The following DAGLB variants were observed in gnomAD, a reference collection of about 807,000 sequenced individuals.
DAGLB encodes diacylglycerol lipase beta.
Under a neutral mutation model 72.1 loss-of-function variants are expected in DAGLB, and 66 were observed. The ratio of observed to expected loss-of-function variants is 0.92; its 90% CI spans 0.75 to 1.12. DAGLB has a LOEUF of 1.12. Ranked by LOEUF, DAGLB falls within the 50% of genes most tolerant of loss-of-function variation. The pLI is 0.00. For synonymous variants in DAGLB, 414 were observed against 359.5 expected (o/e 1.15, Z -1.71); for missense variants, 1,065 against 884.9 (o/e 1.20, Z -2.58).
chr7:6,424,053 A>G (rs1206122706), intron 8 of DAGLB, among the ~76,000 whole-genome samples: 3 of 148,998 alleles, frequency 2.0e-5, no homozygotes, highest in Non-Finnish European at 4.5e-5. Context: ...CCCCAGAGCC[A>G]GTCAGGAGCA....
intron 13 of DAGLB, among the ~76,000 whole-genome samples, chr7:6,411,078 G>A (rs1361010836): frequency 6.6e-6 from 1 of 151,956 alleles, no homozygotes; most frequent in African/African-American, 2.4e-5. Context: ...TAGAGACGGG[G>A]TTTCACCGTG....
chr7:6,411,016 C>G (rs1273676530), intron 13 of DAGLB, among the ~76,000 whole-genome samples: 2 of 151,744 alleles, frequency 1.3e-5, no homozygotes, highest in South Asian at 2.1e-4. Context: ...ACCAGAGTAG[C>G]TGGGACTACA....
At position 6,436,503 on chromosome 7, in the gene DAGLB, G is replaced by A; in HGVS notation, c.278C>T (p.Ser93Phe). Residue 93 changes from serine (S) to phenylalanine (F), a missense_variant, in exon 3 of 15, where the codon TCT (serine) becomes TTT (phenylalanine). Coordinates refer to ENST00000297056, the MANE Select transcript of DAGLB (RefSeq NM_139179.4). The part of the protein sequence containing the change: ...GTICNPGPRK[S>F]MSKLLYIRLA... ...GCGGATGTAAAGCAGCTTAGACATA[G>A]ACTTCCGCGGTCCAGGGTTACAAAT... 6.2e-7 allele frequency: 1 copy of A among 1,614,144 alleles called. No individual in the cohort carries two copies. The highest frequency in any genetic ancestry group is 8.5e-7 in the Non-Finnish European group (1 of 1,180,040).
intron 2 of DAGLB, among the ~76,000 whole-genome samples, chr7:6,439,450 C>T (rs1252352040): frequency 6.6e-6 from 1 of 152,100 alleles, no homozygotes; most frequent in Non-Finnish European, 1.5e-5. Flanking sequence ...TATCATCCAT[C>T]ATCAGACACA....
At chr7:6,426,497 T>C (rs902732084) in intron 6 of DAGLB, among the ~76,000 whole-genome samples, 3 of 152,202 alleles carry the variant, frequency 2.0e-5, no homozygotes, top group African/African-American at 7.2e-5. Context: ...TTTAAACTCC[T>C]GACCTCAGGC....
At chr7:6,426,722 G>C (rs1442696053) in intron 6 of DAGLB, among the ~76,000 whole-genome samples, 1 of 152,212 alleles carries the variant, frequency 6.6e-6, no homozygotes, top group East Asian at 1.9e-4. Context: ...AGCAGGTAAA[G>C]CAAACCTGTC....
chr7:6,435,288 C>T, intron 3 of DAGLB: 1 of 393,556 alleles, frequency 2.5e-6, no homozygotes, highest in Non-Finnish European at 4.8e-6. Flanking sequence ...GAGATCGAGA[C>T]CAGCCTGGCC....
intron 4 of DAGLB, among the ~76,000 whole-genome samples, chr7:6,433,851 C>CAA (rs35042230): frequency 3.9e-5 from 5 of 127,850 alleles, no homozygotes; most frequent in African/African-American, 8.1e-5. Context: ...GACCTTGTCT[C>CAA]AAAAAAAAAA....
chr7:6,424,724 G>C (rs1278651813), intron 8 of DAGLB, 28 bp downstream of exon 8: 9 of 1,611,356 alleles, frequency 5.6e-6, no homozygotes, highest in Non-Finnish European at 8.5e-7. Flanking sequence ...CCCACTCCCA[G>C]GGCTGGAAAG....
chr7:6,412,595 T>C lies in DAGLB; in HGVS notation c.1569+216A>G, dbSNP rs184234237. 6.6e-6 allele frequency: 4 copies of C among 604,988 alleles called. No homozygotes were observed. In the Admixed American group the frequency reaches 1.1e-4, roughly 17 times the overall value. 37.5% of individuals were successfully genotyped at this position (604,988 alleles called of 1,614,324 possible). A position where few individuals can be genotyped will look rare whatever the true frequency, so the allele number is the denominator to read the frequency against. On this transcript the variant is annotated intron_variant, in intron 13 of 14. Transcript: ENST00000297056. ...ACCACTGCTCCCAGCCCAGATCCTG[T>C]TTCCTCCCTGTGACATTTCCCGCAC... is the stretch of plus-strand genomic sequence containing the variant.
chr7:6,424,672 C>T (rs963513172), intron 8 of DAGLB, 80 bp downstream of exon 8: 24 of 1,376,088 alleles, frequency 1.7e-5, no homozygotes, highest in Admixed American at 5.1e-5. Flanking sequence ...CGGTTACTGA[C>T]GGATTTCCCC....
At chr7:6,427,921 A>C (rs1784362094) in intron 6 of DAGLB, among the ~76,000 whole-genome samples, 1 of 152,232 alleles carries the variant, frequency 6.6e-6, no homozygotes, top group Non-Finnish European at 1.5e-5. Context: ...ATACAAAATA[A>C]ACAGTCATAA....
At chr7:6,444,157 C>G (rs1784923124) in intron 2 of DAGLB, among the ~76,000 whole-genome samples, 1 of 152,120 alleles carries the variant, frequency 6.6e-6, no homozygotes. Context: ...GCCTGTACTT[C>G]CAGCTACTTG....
chr7:6,416,784 G>C, intron 10 of DAGLB, 30 bp from the exon 11 acceptor site: 1 of 1,614,088 alleles, frequency 6.2e-7, no homozygotes, highest in Non-Finnish European at 8.5e-7. Context: ...ATGAGGTGAA[G>C]GGTAAAAACA....
At chr7:6,441,564 C>T (rs1026722584) in intron 2 of DAGLB, among the ~76,000 whole-genome samples, 2 of 149,064 alleles carry the variant, frequency 1.3e-5, no homozygotes, top group Non-Finnish European at 3.0e-5. Flanking sequence ...ACTACAGGGG[C>T]CCGCCACCAC....
chr7:6,415,566 T>G, intron 11 of DAGLB, among the ~76,000 whole-genome samples: 1 of 148,740 alleles, frequency 6.7e-6, no homozygotes, highest in Admixed American at 6.7e-5. Context: ...CAGCCAGGCG[T>G]GGTGGCTCAT....
chr7:6,441,181 C>G (rs952274646), intron 2 of DAGLB, among the ~76,000 whole-genome samples: 1 of 150,600 alleles, frequency 6.6e-6, no homozygotes, highest in Non-Finnish European at 1.5e-5. Flanking sequence ...AGCTCCGCCT[C>G]CCAGGTTCAT....
chr7:6,414,486 T>C (rs1333078488), intron 11 of DAGLB, among the ~76,000 whole-genome samples: 6 of 151,186 alleles, frequency 4.0e-5, no homozygotes, highest in Non-Finnish European at 7.4e-5. Context: ...CTAATTTTTG[T>C]AAGGAACCGG....
rs1008665138 is a variant in DAGLB at position 6,447,613 on chromosome 7, C to T, written c.95+135G>A. The T allele has an allele frequency of 2.8e-5, 36 of 1,276,344 alleles. No individual in the cohort carries two copies. In the African/African-American group the frequency reaches 4.9e-4, roughly 17 times the overall value. The allele number at this position is 1,276,344 out of a possible 1,614,324, so 79.1% of individuals were successfully genotyped here. A position where few individuals can be genotyped will look rare whatever the true frequency, so the allele number is the denominator to read the frequency against. ...ACCTCTTCGGGCAGTGGTGAGAACT[C>T]GATAAGAGGATGCGTGGCCAGCGCT... On this transcript the variant is annotated intron_variant, in intron 1 of 14. Transcript: ENST00000297056.
Sources: allele counts gnomAD v4.1 joint callset (sites outside exome capture counted in the v4.1 genomes callset), GRCh38; gene constraint gnomAD v4.1.1; transcripts MANE v1.5; gene names NCBI Gene and HGNC (gene_info 2026-07-23, HGNC 2026-07-21).